SYNE1: variants seen among roughly 807,000 people sequenced by gnomAD.
SYNE1 encodes the protein nesprin-1.
SYNE1 carries 616 observed loss-of-function variants against 1,111.0 expected under a neutral mutation model. The observed-to-expected ratio is 0.55, with a 90% CI of 0.52 to 0.59. SYNE1 has a LOEUF of 0.59. Among genes scored for constraint, SYNE1 ranks in the 20% least tolerant of loss-of-function variants. The pLI, the probability that SYNE1 is intolerant of heterozygous loss-of-function variation, is 0.00. For missense variants in SYNE1, 10,006 were observed against 10,417.0 expected (o/e 0.96, Z 1.72); for synonymous variants, 3,855 against 3,825.8 (o/e 1.01, Z -0.28).
chr6:152,156,459 T>C (rs2061391000), intron 131 of SYNE1, among the ~76,000 whole-genome samples: 1 of 152,232 alleles, frequency 6.6e-6, no homozygotes, highest in African/African-American at 2.4e-5. Flanking sequence ...TTAGTATCTG[T>C]CAGGGGATTG....
Position 152,353,246 on chromosome 6 carries a change from G to C in SYNE1, c.11253+17C>G. The C allele has an allele frequency of 6.2e-7, 1 of 1,614,076 alleles. No homozygotes were observed. The highest frequency in any genetic ancestry group is 8.5e-7 in the Non-Finnish European group (1 of 1,179,998). On this transcript the variant is annotated intron_variant, in intron 69 of 145. Coordinates refer to ENST00000367255, the MANE Select transcript of SYNE1 (RefSeq NM_182961.4). The stretch of plus-strand genomic sequence containing the variant: ...GAACGGAAAGGTTGGATACAAATCT[G>C]AAGTATGCGTGCCTACCTCCAACGT...
chr6:152,338,621 G>GAAAC (rs1044640384), intron 75 of SYNE1, among the ~76,000 whole-genome samples: 15 of 152,176 alleles, frequency 9.9e-5, no homozygotes, highest in African/African-American at 1.7e-4. Flanking sequence ...TCAAAATAAA[G>GAAAC]AAACAAACAA....
At chr6:152,423,463 A>G (rs1475599492) in intron 39 of SYNE1, among the ~76,000 whole-genome samples, 1 of 152,098 alleles carries the variant, frequency 6.6e-6, no homozygotes, top group Admixed American at 6.6e-5. Context: ...CACACACTAT[A>G]CATTGACTCT....
chr6:152,444,353 T>A, intron 30 of SYNE1, 58 bp downstream of exon 30: 14 of 1,581,796 alleles, frequency 8.9e-6, no homozygotes, highest in Non-Finnish European at 1.2e-5. Context: ...ATCTCTCTGG[T>A]TCTTTCAGTA....
intron 58 of SYNE1, among the ~76,000 whole-genome samples, chr6:152,375,902 G>T (rs574262025): frequency 3.3e-5 from 5 of 152,060 alleles, no homozygotes; most frequent in Non-Finnish European, 5.9e-5. Flanking sequence ...TTTTAAGTGG[G>T]GATTTATTTG....
chr6:152,201,444 C>T (rs117435024), intron 127 of SYNE1, among the ~76,000 whole-genome samples: 2,330 of 150,098 alleles, frequency 0.016, 37 homozygotes, highest in Non-Finnish European at 0.021. Context: ...TGGAGGGCCA[C>T]TGTCTGCAGA....
intron 140 of SYNE1, 58 bp downstream of exon 140, chr6:152,139,892 G>A (rs1316893160): frequency 1.4e-5 from 22 of 1,580,982 alleles, no homozygotes; most frequent in Non-Finnish European, 1.8e-5. Flanking sequence ...CCATCTGCAC[G>A]GTCGTTCACG....
chr6:152,300,795 T>C lies in SYNE1; in HGVS notation c.17542-14A>G, dbSNP rs111686341. Reference sequence around the variant, plus strand: ...ACCTGCAGTCATCTGCCACGTAAAATGTAGCCCAAAGGACATGAAAATCAA... The same window carrying C: ...ACCTGCAGTCATCTGCCACGTAAAACGTAGCCCAAAGGACATGAAAATCAA... On this transcript the variant is annotated splice_polypyrimidine_tract_variant and intron_variant, in intron 92 of 145. Transcript: ENST00000367255. 922 of 1,614,148 alleles carry C rather than the reference T, an allele frequency of 5.7e-4. 7 individuals carry two copies. The African/African-American group carries it at 0.01, about 18-fold the overall frequency.
At chr6:152,487,281 T>C (rs1241245854) in intron 12 of SYNE1, among the ~76,000 whole-genome samples, 1 of 152,182 alleles carries the variant, frequency 6.6e-6, no homozygotes, top group African/African-American at 2.4e-5. Flanking sequence ...CTCCCACTTA[T>C]AAGTGAGAAC....
intron 129 of SYNE1, among the ~76,000 whole-genome samples, chr6:152,177,066 G>C (rs968554846): frequency 6.6e-6 from 1 of 152,098 alleles, no homozygotes; most frequent in Admixed American, 6.6e-5. Context: ...TTTTAAAAGA[G>C]TTCCTTCATT....
intron 24 of SYNE1, among the ~76,000 whole-genome samples, chr6:152,454,652 G>C (rs1010766849): frequency 2.0e-5 from 3 of 152,194 alleles, no homozygotes; most frequent in African/African-American, 7.2e-5. Context: ...CTCAGGAGTA[G>C]ACATGCAGAA....
chr6:152,166,351 TTTAA>T (rs1368103978), intron 130 of SYNE1, among the ~76,000 whole-genome samples: 1 of 152,370 alleles, frequency 6.6e-6, no homozygotes, highest in South Asian at 2.1e-4. Flanking sequence ...ATTGTGTTTA[TTTAA>T]TTAACATGTT....
At chr6:152,225,679 G>T in intron 116 of SYNE1, 42 bp downstream of exon 116, 1 of 1,613,484 alleles carries the variant, frequency 6.2e-7, no homozygotes, top group Non-Finnish European at 8.5e-7. Flanking sequence ...GACAGAGCTG[G>T]CAAACACGGT....
At chr6:152,538,406 GT>G (rs1341894813) in intron 4 of SYNE1, among the ~76,000 whole-genome samples, 3 of 152,124 alleles carry the variant, frequency 2.0e-5, no homozygotes, top group Admixed American at 6.6e-5. Context: ...GGATTGACGT[GT>G]TGGGTGAAAT....
At chr6:152,213,902 TTAAAA>T in intron 122 of SYNE1, 143 bp from the exon 123 acceptor site, 1 of 1,278,620 alleles carries the variant, frequency 7.8e-7, no homozygotes, top group Non-Finnish European at 1.1e-6. Flanking sequence ...TAAAATTATT[TTAAAA>T]AAGAAGAAAG....
intron 91 of SYNE1, 186 bp from the exon 92 acceptor site, chr6:152,302,249 C>T (rs1397871053): frequency 3.9e-6 from 3 of 778,600 alleles, no homozygotes; most frequent in Non-Finnish European, 6.4e-6. Flanking sequence ...CTGCGCGGCG[C>T]GGCGCAGGCA....
At chr6:152,615,658 C>T (rs1272955703) in intron 3 of SYNE1, among the ~76,000 whole-genome samples, 2 of 152,160 alleles carry the variant, frequency 1.3e-5, no homozygotes, top group Non-Finnish European at 2.9e-5. Flanking sequence ...CTGATTAAAA[C>T]ATCTTTTACA....
intron 43 of SYNE1, 158 bp from the exon 44 acceptor site, chr6:152,409,384 T>A: frequency 4.5e-6 from 5 of 1,103,180 alleles, no homozygotes; most frequent in Non-Finnish European, 6.5e-6. Flanking sequence ...CACCATTTTC[T>A]TGAATTGCTA....
chr6:152,564,355 C>T (rs2099404533), intron 3 of SYNE1, among the ~76,000 whole-genome samples: 1 of 152,210 alleles, frequency 6.6e-6, no homozygotes, highest in South Asian at 2.1e-4. Context: ...CTCACTCTGT[C>T]ACCCAGACAG....
Sources: allele counts gnomAD v4.1 joint callset (sites outside exome capture counted in the v4.1 genomes callset), GRCh38; gene constraint gnomAD v4.1.1; transcripts MANE v1.5; gene names NCBI Gene and HGNC (gene_info 2026-07-23, HGNC 2026-07-21).